FCGR1A: variants seen among roughly 807,000 people sequenced by gnomAD.
The protein encoded by FCGR1A is Fc gamma receptor Ia.
In FCGR1A, 13 loss-of-function variants were observed where a neutral mutation model predicts 35.0. That is an observed-to-expected ratio of 0.37 (90% CI 0.24 to 0.59). The LOEUF (loss-of-function observed/expected upper bound fraction) is 0.59. Among genes scored for constraint, FCGR1A ranks in the 20% least tolerant of loss-of-function variants. The probability of loss-of-function intolerance (pLI) is 0.71; values close to 1 mark genes in which losing one functional copy is unlikely to be tolerated. For synonymous variants in FCGR1A, 91 were observed against 164.7 expected (o/e 0.55, Z 3.43); for missense variants, 227 against 430.0 (o/e 0.53, Z 4.17).
At chr1:149,789,909 C>T in intron 4 of FCGR1A, 145 bp from the exon 5 acceptor site, 4 of 1,519,798 alleles carry the variant, frequency 2.6e-6, no homozygotes, top group Non-Finnish European at 3.6e-6. Flanking sequence ...CCAAGAATGG[C>T]TCTCTGCTGG....
downstream of FCGR1A, among the ~76,000 whole-genome samples, chr1:149,793,450 G>A (rs1217877892): frequency 4.6e-5 from 7 of 152,176 alleles, no homozygotes; most frequent in African/African-American, 1.7e-4. Flanking sequence ...ACCCACAAGG[G>A]CCCACGGCCC....
intron 4 of FCGR1A, among the ~76,000 whole-genome samples, chr1:149,789,057 T>G (rs1212499885): frequency 1.3e-5 from 2 of 151,772 alleles, no homozygotes; most frequent in Non-Finnish European, 2.9e-5. Context: ...GCCTCTGTGG[T>G]GCCACTTCTT....
intron 5 of FCGR1A, among the ~76,000 whole-genome samples, chr1:149,790,648 A>C (rs1401949880): frequency 2.1e-3 from 218 of 102,088 alleles, no homozygotes; most frequent in Middle Eastern, 5.0e-3. Context: ...TCTTCCCTCC[A>C]CTCCATGACC....
At chr1:149,789,210 C>G (rs1167583639) in intron 4 of FCGR1A, among the ~76,000 whole-genome samples, 2 of 151,522 alleles carry the variant, frequency 1.3e-5, no homozygotes, top group African/African-American at 4.9e-5. Flanking sequence ...ATTATTGTCC[C>G]AGATTATCTT....
Position 149,788,603 on chromosome 1 carries a change from C to G in FCGR1A, c.545C>G (p.Ser182Cys). The G allele has an allele frequency of 6.2e-7, 1 of 1,614,016 alleles. No individual in the cohort carries two copies. The highest frequency in any genetic ancestry group is 1.1e-5 in the South Asian group (1 of 91,082). ...GKHRYTSAGI[S>C]VTVKELFPAP... Reference sequence around the variant, plus strand: ...CATCGCTACACATCAGCAGGAATATCTGTCACTGTGAAAGGTATTGTATTG... The same window carrying G: ...CATCGCTACACATCAGCAGGAATATGTGTCACTGTGAAAGGTATTGTATTG... Residue 182 changes from serine (S) to cysteine (C), a missense_variant, in exon 4 of 6, where the codon TCT (serine) becomes TGT (cysteine). Physicochemically the swap from Ser to Cys is moderately radical, Grantham distance 112 (BLOSUM62 -1). Coordinates refer to ENST00000369168, the MANE Select transcript of FCGR1A (RefSeq NM_000566.4).
chr1:149,792,291 G>C (rs587719475), downstream of FCGR1A: 5 of 223,346 alleles, frequency 2.2e-5, no homozygotes, highest in South Asian at 3.4e-4. Flanking sequence ...TTCAAGTGGG[G>C]AGAAGCGGCG....
At chr1:149,796,191 T>G (rs1553752762), downstream of FCGR1A, among the ~76,000 whole-genome samples, 1 of 152,190 alleles carries the variant, frequency 6.6e-6, no homozygotes, top group Admixed American at 6.5e-5. Flanking sequence ...TTCATCTCCC[T>G]ATCACACATG....
In FCGR1A at chr1:149,790,048, C is replaced by T. The variant is rs2091664423; in HGVS notation, c.560-6C>T. On this transcript the variant is annotated splice_region_variant and splice_polypyrimidine_tract_variant and intron_variant, in intron 4 of 5. Transcript: ENST00000369168. Reference sequence around the variant, plus strand: ...CAACCTTGTCCCCCATCAACTTTCTCCTTAGAGCTATTTCCAGCTCCAGTG... The same window carrying T: ...CAACCTTGTCCCCCATCAACTTTCTTCTTAGAGCTATTTCCAGCTCCAGTG... The T allele has an allele frequency of 1.9e-6, 3 of 1,613,332 alleles. No individual in the cohort carries two copies. The Admixed American group carries it at 5.0e-5, about 27-fold the overall frequency.
chr1:149,799,394 T>C, the FCGR1A span, among the ~76,000 whole-genome samples: 1 of 152,368 alleles, frequency 6.6e-6, no homozygotes, highest in East Asian at 1.9e-4. Flanking sequence ...TGAATCTAGG[T>C]GAGGGTCCTT....
At position 149,791,596 on chromosome 1, in the gene FCGR1A, A is replaced by G. The variant is rs2091714904; in HGVS notation, c.*79A>G. 2.6e-6 allele frequency: 4 copies of G among 1,558,830 alleles called. No individual in the cohort carries two copies. The highest frequency in any genetic ancestry group is 3.5e-6 in the Non-Finnish European group (4 of 1,157,758). ...CCGTGAGCACTGCGTACAAACATCC[A>G]AAAGTTCAACAACACCAGAACTGTG... is the stretch of plus-strand genomic sequence containing the variant. On this transcript the variant is annotated 3_prime_UTR_variant, in exon 6 of 6. Transcript: ENST00000369168.
At chr1:149,787,480 A>G (rs1553750954) in intron 3 of FCGR1A, 1 of 152,332 alleles carries the variant, frequency 6.6e-6, no homozygotes, top group African/African-American at 2.4e-5. Flanking sequence ...GAGTATTCAT[A>G]TCAATGTAGT....
At chr1:149,791,209 C>A (rs1559747403) in intron 5 of FCGR1A, 28 bp from the exon 6 acceptor site, 11 of 1,606,140 alleles carry the variant, frequency 6.8e-6, no homozygotes, top group East Asian at 2.3e-5. Context: ...TAAATAGTAT[C>A]TCTTCTCTTT....
At chr1:149,796,419 G>A (rs1430253867), downstream of FCGR1A, among the ~76,000 whole-genome samples, 3 of 152,162 alleles carry the variant, frequency 2.0e-5, no homozygotes, top group African/African-American at 4.8e-5. Flanking sequence ...AAGCAATGGC[G>A]TGATATCCAG....
At chr1:149,789,916 C>A in intron 4 of FCGR1A, 138 bp from the exon 5 acceptor site, 1 of 1,549,432 alleles carries the variant, frequency 6.5e-7, no homozygotes, top group Non-Finnish European at 8.8e-7. Flanking sequence ...TGGCTCTCTG[C>A]TGGAAGTAAA....
At chr1:149,793,033 A>G, downstream of FCGR1A, 3 of 1,255,258 alleles carry the variant, frequency 2.4e-6, no homozygotes, top group Non-Finnish European at 3.1e-6. Flanking sequence ...CGGGCCCGCC[A>G]GCTCCCGGGC....
intron 4 of FCGR1A, 81 bp from the exon 5 acceptor site, chr1:149,789,973 A>G: frequency 6.2e-7 from 1 of 1,612,120 alleles, no homozygotes; most frequent in Non-Finnish European, 8.5e-7. Flanking sequence ...AGGTTTCCCA[A>G]GGGGGTAAAG....
rs1240616200 is a variant in FCGR1A at position 149,791,204 on chromosome 1, A to C, written c.845-33A>C. 34 of 1,605,982 alleles carry C rather than the reference A, an allele frequency of 2.1e-5. 1 individual carries two copies. The highest frequency in any genetic ancestry group is 2.9e-5 in the Non-Finnish European group (34 of 1,177,296). On this transcript the variant is annotated intron_variant, in intron 5 of 5. Transcript: ENST00000369168. ...AGCTAGACCCCTCTGGTCTCTAAAT[A>C]GTATCTCTTCTCTTTGTCTTTTTCT...
At chr1:149,788,672 A>G (rs2091617061) in intron 4 of FCGR1A, 55 bp downstream of exon 4, 9 of 1,579,996 alleles carry the variant, frequency 5.7e-6, no homozygotes. Context: ...AGGGACCATC[A>G]TAAATATTCT....
At chr1:149,796,611 T>C (rs1246822417), downstream of FCGR1A, among the ~76,000 whole-genome samples, 1 of 152,216 alleles carries the variant, frequency 6.6e-6, no homozygotes, top group East Asian at 1.9e-4. Context: ...GATTGTAAAA[T>C]TTCAGGATAT....
Sources: allele counts gnomAD v4.1 joint callset (sites outside exome capture counted in the v4.1 genomes callset), GRCh38; gene constraint gnomAD v4.1.1; transcripts MANE v1.5; gene names NCBI Gene and HGNC (gene_info 2026-07-23, HGNC 2026-07-21).